Variants in GPC5 observed in about 807,000 individuals in gnomAD.
The protein encoded by GPC5 is glypican-5.
Under a neutral mutation model 53.9 loss-of-function variants are expected in GPC5, and 47 were observed. The ratio of observed to expected loss-of-function variants is 0.87; its 90% CI spans 0.69 to 1.11. GPC5 has a LOEUF of 1.11. Ranked by LOEUF, GPC5 falls within the 50% of genes most tolerant of loss-of-function variation. The pLI is 0.00. For synonymous variants in GPC5, 286 were observed against 263.3 expected (o/e 1.09, Z -0.84); for missense variants, 748 against 713.1 (o/e 1.05, Z -0.56).
intron 2 of GPC5, among the ~76,000 whole-genome samples, chr13:91,507,722 C>A (rs1037542637): frequency 2.0e-5 from 3 of 152,144 alleles, no homozygotes; most frequent in Admixed American, 2.0e-4. Context: ...CTTCCAAATA[C>A]CATCACATTG....
chr13:91,675,213 A>G (rs2139698427), intron 2 of GPC5, among the ~76,000 whole-genome samples: 1 of 152,292 alleles, frequency 6.6e-6, no homozygotes, highest in South Asian at 2.1e-4. Flanking sequence ...GAAAAGACAA[A>G]GCATCCCTTT....
chr13:91,440,628 G>A (rs909264577), intron 1 of GPC5, among the ~76,000 whole-genome samples: 4 of 152,032 alleles, frequency 2.6e-5, no homozygotes, highest in East Asian at 1.9e-4. Context: ...ATGTTATATC[G>A]ACTCTTCATA....
intron 5 of GPC5, among the ~76,000 whole-genome samples, chr13:91,764,246 T>G (rs1205215406): frequency 6.6e-6 from 1 of 152,160 alleles, no homozygotes; most frequent in Non-Finnish European, 1.5e-5. Flanking sequence ...CTCAGGTCAA[T>G]ATACACATTT....
intron 2 of GPC5, among the ~76,000 whole-genome samples, chr13:91,626,773 A>G (rs181857766): frequency 4.0e-4 from 61 of 151,906 alleles, no homozygotes; most frequent in African/African-American, 1.4e-3. Context: ...GCACCCATTA[A>G]CTCGTCATTT....
intron 2 of GPC5, among the ~76,000 whole-genome samples, chr13:91,637,011 A>G (rs1806610559): frequency 6.6e-6 from 1 of 152,216 alleles, no homozygotes; most frequent in Non-Finnish European, 1.5e-5. Context: ...CAATTAATGA[A>G]TGTGCCTTAT....
chr13:91,556,440 C>G (rs2030951255), intron 2 of GPC5, among the ~76,000 whole-genome samples: 1 of 151,700 alleles, frequency 6.6e-6, no homozygotes, highest in African/African-American at 2.4e-5. Flanking sequence ...ATGTTTATAG[C>G]AGCACAGTTT....
At chr13:92,285,569 C>G (rs1434495340) in intron 7 of GPC5, among the ~76,000 whole-genome samples, 1 of 152,034 alleles carries the variant, frequency 6.6e-6, no homozygotes, top group Non-Finnish European at 1.5e-5. Context: ...CAGAACAGAG[C>G]CCTCAGAAAT....
At chr13:92,594,745 A>G (rs1337230871) in intron 7 of GPC5, among the ~76,000 whole-genome samples, 2 of 152,236 alleles carry the variant, frequency 1.3e-5, no homozygotes, top group African/African-American at 4.8e-5. Context: ...GAGAAAAAAT[A>G]TCACTTGAAA....
At chr13:92,103,010 C>T (rs1411350833) in intron 6 of GPC5, among the ~76,000 whole-genome samples, 2 of 152,148 alleles carry the variant, frequency 1.3e-5, no homozygotes, top group Admixed American at 1.3e-4. Flanking sequence ...AGAAGTGTTA[C>T]CACACCTGGC....
intron 7 of GPC5, among the ~76,000 whole-genome samples, chr13:92,530,265 T>C (rs913571775): frequency 6.6e-6 from 1 of 152,122 alleles, no homozygotes; most frequent in Admixed American, 6.5e-5. Flanking sequence ...AAAGTGCTAC[T>C]TTTTTCATCA....
chr13:91,596,714 T>A (rs553567821), intron 2 of GPC5, among the ~76,000 whole-genome samples: 2 of 152,278 alleles, frequency 1.3e-5, no homozygotes, highest in East Asian at 3.9e-4. Context: ...AATTTTTCCT[T>A]ACCACAAGGC....
chr13:92,433,504 A>C (rs1167116801), intron 7 of GPC5, among the ~76,000 whole-genome samples: 1 of 152,218 alleles, frequency 6.6e-6, no homozygotes, highest in Non-Finnish European at 1.5e-5. Flanking sequence ...TTATAATGGC[A>C]GAGCTAGTGT....
At chr13:91,897,368 TGC>T (rs71113773) in intron 5 of GPC5, among the ~76,000 whole-genome samples, 3 of 149,424 alleles carry the variant, frequency 2.0e-5, no homozygotes, top group Non-Finnish European at 3.0e-5. Context: ...TGTGTGTGTG[TGC>T]GCCTGTGCAT....
intron 6 of GPC5, among the ~76,000 whole-genome samples, chr13:91,920,006 T>C (rs1181149839): frequency 6.6e-6 from 1 of 152,172 alleles, no homozygotes; most frequent in Non-Finnish European, 1.5e-5. Context: ...TGAAATCCTT[T>C]ACTATACCCT....
intron 6 of GPC5, among the ~76,000 whole-genome samples, chr13:91,997,637 G>C (rs562228675): frequency 3.9e-5 from 6 of 152,232 alleles, no homozygotes; most frequent in Non-Finnish European, 7.4e-5. Context: ...TCCTGCCTCA[G>C]CCTCCCGAGT....
intron 2 of GPC5, among the ~76,000 whole-genome samples, chr13:91,596,728 A>G (rs1399297768): frequency 6.6e-6 from 1 of 151,754 alleles, no homozygotes; most frequent in Non-Finnish European, 1.5e-5. Flanking sequence ...ACAAGGCAAG[A>G]CCCTTCTGTG....
At chr13:92,654,181 G>C (rs923482398) in intron 7 of GPC5, among the ~76,000 whole-genome samples, 4 of 152,110 alleles carry the variant, frequency 2.6e-5, no homozygotes, top group African/African-American at 9.7e-5. Context: ...TCTCAATATT[G>C]TGAATGAATA....
intron 7 of GPC5, among the ~76,000 whole-genome samples, chr13:92,695,559 CAGA>C (rs1327129712): frequency 2.6e-5 from 4 of 151,936 alleles, no homozygotes; most frequent in African/African-American, 7.3e-5. Context: ...ATACTATGCC[CAGA>C]AGAAGTGATA....
At chr13:91,981,636 C>T (rs772514432) in intron 6 of GPC5, among the ~76,000 whole-genome samples, 33 of 152,128 alleles carry the variant, frequency 2.2e-4, no homozygotes, top group Non-Finnish European at 4.7e-4. Flanking sequence ...TTCATTCAAA[C>T]ATTTATTTAT....
Sources: allele counts gnomAD v4.1 joint callset (sites outside exome capture counted in the v4.1 genomes callset), GRCh38; gene constraint gnomAD v4.1.1; transcripts MANE v1.5; gene names NCBI Gene and HGNC (gene_info 2026-07-23, HGNC 2026-07-21).